Variants in ACOT13 observed in about 807,000 individuals in gnomAD.
ACOT13 encodes the protein acyl-CoA thioesterase 13.
ACOT13 carries 10 observed loss-of-function variants against 11.8 expected under a neutral mutation model. That is an observed-to-expected ratio of 0.85 (90% CI 0.53 to 1.44). ACOT13 has a LOEUF of 1.44. Ranked by LOEUF, ACOT13 falls within the 40% of genes most tolerant of loss-of-function variation. The pLI is 0.00. For missense variants in ACOT13, 172 were observed against 174.1 expected (o/e 0.99, Z 0.07); for synonymous variants, 53 against 61.0 (o/e 0.87, Z 0.61).
chr6:24,667,662 C>A (rs1034664441), intron 1 of ACOT13, among the ~76,000 whole-genome samples: 2 of 152,136 alleles, frequency 1.3e-5, no homozygotes, highest in Admixed American at 1.3e-4. Context: ...TAAGAGAAAC[C>A]TCTGCATTTA....
At chr6:24,682,031 A>G (rs1240646629) in intron 1 of ACOT13, among the ~76,000 whole-genome samples, 1 of 152,144 alleles carries the variant, frequency 6.6e-6, no homozygotes, top group Admixed American at 6.5e-5. Flanking sequence ...CAGCCCTCGG[A>G]TTCCCCAAGA....
Position 24,704,614 on chromosome 6 carries a change from T to C in ACOT13, c.*2999T>C, listed in dbSNP as rs1242162470. On this transcript the variant is annotated 3_prime_UTR_variant, in exon 3 of 3. Coordinates refer to ENST00000230048, the MANE Select transcript of ACOT13 (RefSeq NM_018473.4). ...TTTCAAATAGATTCTAATTTTTAAA[T>C]AAGAGGACACATGAAAGCATTTTGA... 1 of 152,226 alleles carries C rather than the reference T, an allele frequency of 6.6e-6. No individual in the cohort carries two copies. Among genetic ancestry groups the C allele is most frequent in the Non-Finnish European group, 1.5e-5 (1 of 68,024 alleles). The allele number at this position is 152,226 out of a possible 1,614,324, so 9.4% of individuals were successfully genotyped here.
At position 24,667,226 on chromosome 6, in the gene ACOT13, T is replaced by G; in HGVS notation, c.-38T>G. On this transcript the variant is annotated 5_prime_UTR_variant, in exon 1 of 3. Transcript: ENST00000230048. The stretch of plus-strand genomic sequence containing the variant: ...GACTTTCCAGCTCTTCCGAAGTTCG[T>G]TCTTGCGCAAAGCCCAAAGGCTGGA... 6.2e-7 allele frequency: 1 copy of G among 1,603,562 alleles called. No homozygotes were observed. The highest frequency in any genetic ancestry group is 1.1e-5 in the South Asian group (1 of 90,236).
chr6:24,696,117 T>C (rs1220170221), intron 1 of ACOT13, among the ~76,000 whole-genome samples: 1 of 152,184 alleles, frequency 6.6e-6, no homozygotes, highest in Non-Finnish European at 1.5e-5. Flanking sequence ...AATCCTGTTC[T>C]AAAATTTATT....
rs555408221 is a variant in ACOT13, at chr6:24,682,238, C to T, written c.81+14894C>T. 4.4e-4 allele frequency among the ~76,000 whole-genome samples: 67 copies of T among 152,332 alleles called. 1 individual carries two copies. Among genetic ancestry groups the T allele is most frequent in the African/African-American group, 1.6e-3 (65 of 41,572 alleles). ...AGGAAGGATAGGACAGAATAACAAG[C>T]GAAAGTGGTCCAATATTACTCACCG... On this transcript the variant is annotated intron_variant, in intron 1 of 2. Coordinates refer to ENST00000230048, the MANE Select transcript of ACOT13 (RefSeq NM_018473.4).
intron 1 of ACOT13, among the ~76,000 whole-genome samples, chr6:24,691,540 C>A (rs555081194): frequency 1.1e-4 from 17 of 152,246 alleles, no homozygotes; most frequent in South Asian, 6.2e-4. Flanking sequence ...ATCCACCCCC[C>A]ACCCTGCCCC....
chr6:24,698,298 T>C (rs1439823409), intron 2 of ACOT13, among the ~76,000 whole-genome samples: 1 of 152,156 alleles, frequency 6.6e-6, no homozygotes, highest in Non-Finnish European at 1.5e-5. Context: ...ATCCCAAACA[T>C]TCAAAAGAGC....
At chr6:24,699,019 T>C (rs1778845535) in intron 2 of ACOT13, among the ~76,000 whole-genome samples, 3 of 152,124 alleles carry the variant, frequency 2.0e-5, no homozygotes, top group Admixed American at 2.0e-4. Flanking sequence ...ACTTCCAAAA[T>C]GTAAGAAACT....
At chr6:24,677,553 C>T (rs1046098010) in intron 1 of ACOT13, among the ~76,000 whole-genome samples, 1 of 152,194 alleles carries the variant, frequency 6.6e-6, no homozygotes, top group Non-Finnish European at 1.5e-5. Flanking sequence ...GCTGGTCCCT[C>T]GGACCTGTAT....
intron 1 of ACOT13, among the ~76,000 whole-genome samples, chr6:24,694,353 G>C (rs547375664): frequency 6.6e-6 from 1 of 152,122 alleles, no homozygotes; most frequent in African/African-American, 2.4e-5. Flanking sequence ...AGCAGTCCAG[G>C]TGATATTTGA....
At chr6:24,690,108 G>T (rs1446182027) in intron 1 of ACOT13, among the ~76,000 whole-genome samples, 1 of 152,178 alleles carries the variant, frequency 6.6e-6, no homozygotes, top group African/African-American at 2.4e-5. Flanking sequence ...GAACAGAGAT[G>T]ATTTAAACTT....
chr6:24,675,404 T>A (rs9358791), intron 1 of ACOT13, among the ~76,000 whole-genome samples: 32,067 of 152,058 alleles, frequency 0.21, 3,698 homozygotes, highest in Non-Finnish European at 0.26. Flanking sequence ...GTTTCCTGAC[T>A]TTTTAATGAT....
At chr6:24,700,725 C>T (rs938087867) in intron 2 of ACOT13, among the ~76,000 whole-genome samples, 3 of 152,038 alleles carry the variant, frequency 2.0e-5, no homozygotes, top group Non-Finnish European at 4.4e-5. Context: ...CTTGAGCCAT[C>T]GTGCCCGGCC....
chr6:24,688,545 A>C (rs999566227), intron 1 of ACOT13, among the ~76,000 whole-genome samples: 1 of 151,642 alleles, frequency 6.6e-6, no homozygotes, highest in Non-Finnish European at 1.5e-5. Context: ...GTCTCAAAAA[A>C]AAAAAAAAAA....
chr6:24,694,308 C>CA (rs1221710512), intron 1 of ACOT13, among the ~76,000 whole-genome samples: 2 of 152,120 alleles, frequency 1.3e-5, no homozygotes, highest in African/African-American at 2.4e-5. Context: ...CCATCTTCAC[C>CA]AAGACACCTA....
chr6:24,668,892 A>G (rs1778310383), intron 1 of ACOT13, among the ~76,000 whole-genome samples: 1 of 152,142 alleles, frequency 6.6e-6, no homozygotes, highest in Non-Finnish European at 1.5e-5. Flanking sequence ...CATCTGCCAC[A>G]CAGAAAAGGT....
At chr6:24,680,347 A>T (rs6928668) in intron 1 of ACOT13, among the ~76,000 whole-genome samples, 28,409 of 152,014 alleles carry the variant, frequency 0.19, 3,217 homozygotes, top group Non-Finnish European at 0.26. Flanking sequence ...TTAGCGTCTG[A>T]GGGTCAAATT....
intron 2 of ACOT13, among the ~76,000 whole-genome samples, chr6:24,700,541 T>A (rs1778876389): frequency 1.3e-5 from 2 of 149,692 alleles, no homozygotes; most frequent in South Asian, 4.3e-4. Context: ...GTTCCTGCCA[T>A]TCTTCTGCCT....
chr6:24,670,908 A>G (rs1294796715), intron 1 of ACOT13, among the ~76,000 whole-genome samples: 4 of 152,090 alleles, frequency 2.6e-5, no homozygotes, highest in African/African-American at 9.7e-5. Flanking sequence ...TTTTTCCTCT[A>G]TTCTCATGTA....
Sources: gnomAD v4.1 joint callset for allele counts (sites outside exome capture counted in the v4.1 genomes callset) on GRCh38, gnomAD v4.1.1 for gene constraint, MANE v1.5 for transcripts, NCBI Gene and HGNC (gene_info 2026-07-23, HGNC 2026-07-21) for gene names.